DIAPH2: variants seen among roughly 807,000 people sequenced by gnomAD.
DIAPH2 encodes protein diaphanous homolog 2.
DIAPH2 carries 35 observed loss-of-function variants against 92.7 expected under a neutral mutation model. The ratio of observed to expected loss-of-function variants is 0.38; its 90% CI spans 0.29 to 0.50. The LOEUF is 0.50. DIAPH2 is among the 20% of genes least tolerant of loss of function. The pLI is 0.94. For synonymous variants in DIAPH2, 301 were observed against 280.4 expected (o/e 1.07, Z -0.73); for missense variants, 701 against 819.5 (o/e 0.86, Z 1.77).
At chrX:97,413,089 A>G (rs921318276) in intron 25 of DIAPH2, among the ~76,000 whole-genome samples, 66 of 111,999 alleles carry the variant, frequency 5.9e-4, no homozygotes, top group Non-Finnish European at 1.1e-3. Context: ...AAAGCCTGGC[A>G]GAGACACAAC....
intron 23 of DIAPH2, among the ~76,000 whole-genome samples, chrX:97,314,389 GA>G (rs2068823929): frequency 9.0e-6 from 1 of 111,216 alleles, no homozygotes; most frequent in Non-Finnish European, 1.9e-5. Context: ...CTGCAGTCTG[GA>G]AGACAGAGTG....
At chrX:96,784,196 A>G (rs749985196) in intron 4 of DIAPH2, among the ~76,000 whole-genome samples, 1 of 112,503 alleles carries the variant, frequency 8.9e-6, no homozygotes, top group South Asian at 3.7e-4. Flanking sequence ...GACAGATTAC[A>G]TAATTACAGG....
intron 25 of DIAPH2, among the ~76,000 whole-genome samples, chrX:97,421,513 CCTT>C (rs1407047758): frequency 9.0e-6 from 1 of 111,681 alleles, no homozygotes; most frequent in African/African-American, 3.3e-5. Context: ...CTTGTCATCG[CCTT>C]CTTATGCTGT....
At chrX:96,878,022 A>G (rs772667920) in intron 4 of DIAPH2, among the ~76,000 whole-genome samples, 1 of 112,167 alleles carries the variant, frequency 8.9e-6, no homozygotes, top group South Asian at 3.7e-4. Context: ...GCTAATTAAA[A>G]TTTCCATTAT....
intron 26 of DIAPH2, among the ~76,000 whole-genome samples, chrX:97,503,695 A>T (rs1324382046): frequency 8.9e-6 from 1 of 112,143 alleles, no homozygotes; most frequent in Non-Finnish European, 1.9e-5. Flanking sequence ...TAGAACGCTC[A>T]TGAGATCAAT....
At chrX:97,402,050 G>A (rs148461421) in intron 25 of DIAPH2, among the ~76,000 whole-genome samples, 1,502 of 112,381 alleles carry the variant, frequency 0.013, 11 homozygotes, top group Non-Finnish European at 0.02. Context: ...TGACAAAGTG[G>A]GAGGATACCC....
chrX:97,029,270 C>T (rs2066356747), intron 17 of DIAPH2, among the ~76,000 whole-genome samples: 2 of 108,844 alleles, frequency 1.8e-5, no homozygotes, highest in Non-Finnish European at 3.8e-5. Flanking sequence ...ATTTCAGCCT[C>T]CTGAGTAGCT....
chrX:97,018,775 A>G (rs1381940119), intron 17 of DIAPH2, among the ~76,000 whole-genome samples: 2 of 111,598 alleles, frequency 1.8e-5, no homozygotes, highest in African/African-American at 3.3e-5. Flanking sequence ...GTACATTACT[A>G]AAGTCCATAG....
intron 5 of DIAPH2, among the ~76,000 whole-genome samples, chrX:96,908,119 G>C (rs140435541): frequency 0.017 from 1,912 of 111,443 alleles, 38 homozygotes; most frequent in African/African-American, 0.059. Context: ...TAGGGAAAAG[G>C]GATTGACTGC....
intron 17 of DIAPH2, among the ~76,000 whole-genome samples, chrX:97,011,478 TG>T (rs1170178692): frequency 1.8e-5 from 2 of 112,072 alleles, no homozygotes; most frequent in African/African-American, 6.5e-5. Flanking sequence ...TACTGTAGTG[TG>T]GTAAGTATTA....
intron 26 of DIAPH2, among the ~76,000 whole-genome samples, chrX:97,459,624 G>GTTTAT (rs2070441102): frequency 2.7e-5 from 3 of 112,098 alleles, no homozygotes; most frequent in African/African-American, 9.7e-5. Flanking sequence ...TGCCAGGCAT[G>GTTTAT]ATGGGTTATG....
chrX:96,974,631 T>C (rs1202436126), intron 17 of DIAPH2, among the ~76,000 whole-genome samples: 2 of 111,769 alleles, frequency 1.8e-5, no homozygotes, highest in African/African-American at 6.5e-5. Flanking sequence ...AGCTGGAGAA[T>C]ATCCTGTTAG....
At chrX:96,900,282 C>T (rs756508432) in intron 5 of DIAPH2, among the ~76,000 whole-genome samples, 4 of 111,334 alleles carry the variant, frequency 3.6e-5, no homozygotes, top group Non-Finnish European at 7.5e-5. Context: ...CTTCATTTGA[C>T]TGTCTGCTTG....
intron 4 of DIAPH2, among the ~76,000 whole-genome samples, chrX:96,791,678 G>T (rs753314008): frequency 4.5e-5 from 5 of 111,110 alleles, no homozygotes; most frequent in Admixed American, 9.6e-5. Flanking sequence ...TGATTAAGTA[G>T]AAGAGGGATG....
At chrX:97,244,144 A>C (rs1265816716) in intron 22 of DIAPH2, among the ~76,000 whole-genome samples, 1 of 112,167 alleles carries the variant, frequency 8.9e-6, no homozygotes, top group East Asian at 2.8e-4. Flanking sequence ...AGAGCTCTGG[A>C]GAGATTTATA....
intron 26 of DIAPH2, among the ~76,000 whole-genome samples, chrX:97,452,107 T>A (rs981409111): frequency 1.4e-4 from 16 of 111,289 alleles, no homozygotes; most frequent in African/African-American, 5.2e-4. Context: ...TTGGATAGAT[T>A]GAAGCTTCAG....
chrX:97,089,127 G>T (rs773754888), intron 19 of DIAPH2, among the ~76,000 whole-genome samples: 3 of 112,326 alleles, frequency 2.7e-5, no homozygotes, highest in African/African-American at 9.7e-5. Context: ...GGGAAGCTTT[G>T]TTTTTGGCTG....
chrX:97,576,924 G>A (rs749506470), intron 26 of DIAPH2, among the ~76,000 whole-genome samples: 34 of 111,445 alleles, frequency 3.1e-4, no homozygotes, highest in African/African-American at 1.1e-3. Flanking sequence ...GGTATTTTGC[G>A]ACTAATGTTC....
intron 24 of DIAPH2, among the ~76,000 whole-genome samples, chrX:97,373,603 CTTT>C (rs769067046): frequency 1.4e-5 from 1 of 71,577 alleles, no homozygotes; most frequent in Non-Finnish European, 2.7e-5. Context: ...AAGGGAGATA[CTTT>C]TTTTTTTTTT....
Sources: gnomAD v4.1 joint callset for allele counts (sites outside exome capture counted in the v4.1 genomes callset) on GRCh38, gnomAD v4.1.1 for gene constraint, MANE v1.5 for transcripts, NCBI Gene and HGNC (gene_info 2026-07-23, HGNC 2026-07-21) for gene names.